Variants in ADAMTS3 observed in about 807,000 individuals in gnomAD.
The protein encoded by ADAMTS3 is ADAM metallopeptidase with thrombospondin type 1 motif 3, also known as A disintegrin and metalloproteinase with thrombospondin motifs 3.
In ADAMTS3, 73 loss-of-function variants were observed where a neutral mutation model predicts 129.0. That is an observed-to-expected ratio of 0.57 (90% CI 0.47 to 0.69). The LOEUF (loss-of-function observed/expected upper bound fraction) is 0.69, where lower values mean the gene tolerates loss of function less well. ADAMTS3 is among the 30% of genes least tolerant of loss of function. The pLI is 0.00. For missense variants in ADAMTS3, 1,457 were observed against 1,514.5 expected, an observed-to-expected ratio of 0.96 and a Z score of 0.63; for synonymous variants, 477 against 510.8, an observed-to-expected ratio of 0.93 and a Z score of 0.89.
At chr4:72,442,754 G>A (rs140141878) in intron 3 of ADAMTS3, among the ~76,000 whole-genome samples, 5 of 151,920 alleles carry the variant, frequency 3.3e-5, no homozygotes, top group East Asian at 2.0e-4. Flanking sequence ...GCCAAAGGGC[G>A]CATTACATGA....
Position 72,339,480 on chromosome 4 carries a change from G to A in ADAMTS3, c.861+14C>T, listed in dbSNP as rs1720075651. ...TAAAAGATCAAAAAGCTTTAAAAAG[G>A]AGTCACTACTCACAATGTTCATTAG... On this transcript the variant is annotated intron_variant, in intron 5 of 21. Coordinates refer to ENST00000286657, the MANE Select transcript of ADAMTS3 (RefSeq NM_014243.3). The A allele has an allele frequency of 3.1e-6, 5 of 1,612,136 alleles. No individual in the cohort carries two copies. Among genetic ancestry groups the A allele is most frequent in the Non-Finnish European group, 2.5e-6 (3 of 1,178,646 alleles).
chr4:72,306,124 A>G, intron 15 of ADAMTS3, 57 bp from the exon 16 acceptor site: 2 of 1,359,400 alleles, frequency 1.5e-6, no homozygotes, highest in Non-Finnish European at 2.0e-6. Flanking sequence ...AGCAACAACC[A>G]TGGTTAGTTG....
rs148619287 is a variant in ADAMTS3 at position 72,531,802 on chromosome 4, A to G, written c.504+16676T>C. On this transcript the variant is annotated intron_variant, in intron 3 of 21. Transcript: ENST00000286657. ...ACCAGGCAATCTTTCCCTGAACCAAATGAGGAAACCAAGGATCAGACACAT... is the reference window on the plus strand; with the variant it reads ...ACCAGGCAATCTTTCCCTGAACCAAGTGAGGAAACCAAGGATCAGACACAT... 2.8e-3 allele frequency among the ~76,000 whole-genome samples: 419 copies of G among 152,256 alleles called. 3 individuals carry two copies. Among genetic ancestry groups the G allele is most frequent in the African/African-American group, 9.8e-3 (408 of 41,534 alleles).
At chr4:72,290,833 T>G (rs2109771481) in intron 20 of ADAMTS3, 22 bp downstream of exon 20, 1 of 1,609,398 alleles carries the variant, frequency 6.2e-7, no homozygotes, top group East Asian at 2.2e-5. Flanking sequence ...TACTTATGCA[T>G]GCACGGAATT....
intron 17 of ADAMTS3, among the ~76,000 whole-genome samples, chr4:72,302,583 A>G (rs975684615): frequency 1.3e-4 from 20 of 152,232 alleles, no homozygotes; most frequent in East Asian, 7.7e-4. Context: ...GGGAAAAACA[A>G]CTAACTAGAA....
intron 4 of ADAMTS3, among the ~76,000 whole-genome samples, chr4:72,340,358 TA>T (rs1699458602): frequency 6.6e-6 from 1 of 151,256 alleles, no homozygotes; most frequent in Non-Finnish European, 1.5e-5. Flanking sequence ...TGTGTGTGGA[TA>T]AGATAGTATA....
chr4:72,348,103 ATATT>A, intron 4 of ADAMTS3, among the ~76,000 whole-genome samples: 1 of 152,072 alleles, frequency 6.6e-6, no homozygotes, highest in Non-Finnish European at 1.5e-5. Context: ...TGTGAGATAA[ATATT>A]TAAAGGCTCT....
intron 3 of ADAMTS3, among the ~76,000 whole-genome samples, chr4:72,418,708 C>A (rs2170411): frequency 3.3e-5 from 5 of 152,172 alleles, no homozygotes; most frequent in South Asian, 2.1e-4. Flanking sequence ...TAAGCCCAGG[C>A]AGAAGAGACA....
intron 3 of ADAMTS3, among the ~76,000 whole-genome samples, chr4:72,515,935 G>A (rs1034477744): frequency 2.6e-5 from 4 of 152,308 alleles, no homozygotes; most frequent in African/African-American, 7.2e-5. Context: ...GAATGGTACT[G>A]CCTAGGTTTT....
chr4:72,415,105 T>C, intron 3 of ADAMTS3, 134 bp from the exon 4 acceptor site: 2 of 547,334 alleles, frequency 3.7e-6, no homozygotes, highest in Non-Finnish European at 5.6e-6. Flanking sequence ...TGGCCATAAC[T>C]TAAAATAGTT....
chr4:72,374,954 T>C (rs1234947225), intron 4 of ADAMTS3, among the ~76,000 whole-genome samples: 1 of 152,228 alleles, frequency 6.6e-6, no homozygotes, highest in Admixed American at 6.5e-5. Context: ...ATTGCTTGTA[T>C]TGATCCGTAT....
At chr4:72,342,123 C>A (rs1720153150) in intron 4 of ADAMTS3, among the ~76,000 whole-genome samples, 1 of 152,144 alleles carries the variant, frequency 6.6e-6, no homozygotes, top group Admixed American at 6.6e-5. Context: ...CCAAGCTGTT[C>A]TTGGTTATTT....
intron 5 of ADAMTS3, among the ~76,000 whole-genome samples, chr4:72,325,376 T>A (rs1183167827): frequency 1.3e-5 from 2 of 152,144 alleles, no homozygotes; most frequent in Non-Finnish European, 2.9e-5. Context: ...CTGTTCTGGA[T>A]TCATTATCTG....
chr4:72,381,059 C>CA (rs1188819387), intron 4 of ADAMTS3, among the ~76,000 whole-genome samples: 1 of 151,916 alleles, frequency 6.6e-6, no homozygotes, highest in Non-Finnish European at 1.5e-5. Context: ...AGCAAACAAA[C>CA]AAAAAAGTTC....
At position 72,311,038 on chromosome 4, in the gene ADAMTS3, T is replaced by C. The variant is rs112326140; in HGVS notation, c.2055+10A>G. ...CGTAGAAAGCCTTTGGGGAAGCAAT[T>C]TGAACTTACCACACACTCTCCTCGC... On this transcript the variant is annotated intron_variant, in intron 14 of 21. Transcript: ENST00000286657. The C allele has an allele frequency of 2.0e-5, 32 of 1,578,502 alleles. No homozygotes were observed. The highest frequency in any genetic ancestry group is 1.7e-4 in the Middle Eastern group (1 of 5,934).
intron 3 of ADAMTS3, among the ~76,000 whole-genome samples, chr4:72,446,527 G>C (rs1422224275): frequency 6.6e-6 from 1 of 151,514 alleles, no homozygotes; most frequent in Non-Finnish European, 1.5e-5. Context: ...CGATCACACT[G>C]GTGTATGATC....
chr4:72,451,519 C>T (rs1404259771), intron 3 of ADAMTS3, among the ~76,000 whole-genome samples: 1 of 151,740 alleles, frequency 6.6e-6, no homozygotes, highest in African/African-American at 2.4e-5. Flanking sequence ...CCAGCGCCAA[C>T]ATATTTAGAA....
At chr4:72,417,106 T>G (rs145792401) in intron 3 of ADAMTS3, among the ~76,000 whole-genome samples, 278 of 152,324 alleles carry the variant, frequency 1.8e-3, no homozygotes, top group African/African-American at 6.3e-3. Context: ...CCGCTGTCAC[T>G]GCATTCTGTA....
intron 4 of ADAMTS3, among the ~76,000 whole-genome samples, chr4:72,380,252 T>G (rs534175617): frequency 1.3e-5 from 2 of 152,164 alleles, no homozygotes; most frequent in Admixed American, 1.3e-4. Flanking sequence ...ACAAGAGCTA[T>G]TATGAGAGCA....
Sources: gnomAD v4.1 joint callset for allele counts (sites outside exome capture counted in the v4.1 genomes callset) on GRCh38, gnomAD v4.1.1 for gene constraint, MANE v1.5 for transcripts, NCBI Gene and HGNC (gene_info 2026-07-23, HGNC 2026-07-21) for gene names.